Variants in METTL4 observed in about 807,000 individuals in gnomAD.
METTL4 encodes the protein methyltransferase 4, N6-adenosine.
Under a neutral mutation model 54.0 loss-of-function variants are expected in METTL4, and 40 were observed. That is an observed-to-expected ratio of 0.74 (90% CI 0.58 to 0.96). The LOEUF (loss-of-function observed/expected upper bound fraction) is 0.96, where lower values mean the gene tolerates loss of function less well. Among genes scored for constraint, METTL4 ranks in the 50% least tolerant of loss-of-function variants. The pLI, the probability that METTL4 is intolerant of heterozygous loss-of-function variation, is 0.00. For synonymous variants in METTL4, 169 were observed against 183.8 expected, an observed-to-expected ratio of 0.92 and a Z score of 0.65; for missense variants, 525 against 549.0, an observed-to-expected ratio of 0.96 and a Z score of 0.44.
At position 2,565,523 on chromosome 18, in the gene METTL4, A is replaced by G. The variant is rs2072394964; in HGVS notation, c.396+1298T>C. Among the ~76,000 whole-genome samples the G allele has an allele frequency of 3.3e-5, 5 of 152,346 alleles. No homozygotes were observed. The South Asian group carries it at 1.0e-3, about 32-fold the overall frequency. On this transcript the variant is annotated intron_variant, in intron 2 of 8. Transcript: ENST00000574538. ...TTAAAAATTAAAATTAAAATTAAAA[A>G]AAAGAAGAATATGCACAAGAAAAAA...
intron 1 of METTL4, among the ~76,000 whole-genome samples, chr18:2,568,166 G>C (rs2251971): frequency 1.3e-5 from 2 of 152,206 alleles, no homozygotes. Context: ...CCATGAGTGA[G>C]ATTATGATGT....
chr18:2,538,572 CT>C lies in METTL4; in HGVS notation c.*427del, dbSNP rs1214218786. 1 of 157,102 alleles carries C rather than the reference CT, an allele frequency of 6.4e-6. No homozygotes were observed. The highest frequency in any genetic ancestry group is 6.3e-5 in the Admixed American group (1 of 15,930). 9.7% of individuals were successfully genotyped at this position (157,102 alleles called of 1,614,324 possible). ...AAAGGCCTCTGTGTAGCCAGAGCCT[CT>C]GATGTTTAAAAAGAAGCAGAAATCT... is the stretch of plus-strand genomic sequence containing the variant. On this transcript the variant is annotated 3_prime_UTR_variant, in exon 9 of 9. Coordinates refer to ENST00000574538, the MANE Select transcript of METTL4 (RefSeq NM_022840.5).
At chr18:2,556,800 T>A (rs1430109887) in intron 3 of METTL4, among the ~76,000 whole-genome samples, 2 of 151,900 alleles carry the variant, frequency 1.3e-5, no homozygotes, top group African/African-American at 4.8e-5. Context: ...GGCTGAAAAT[T>A]TCCAAATTTG....
At chr18:2,560,814 G>A (rs1209866738) in intron 3 of METTL4, among the ~76,000 whole-genome samples, 1 of 152,192 alleles carries the variant, frequency 6.6e-6, no homozygotes, top group Non-Finnish European at 1.5e-5. Context: ...AGGAGGCAGA[G>A]TTTGCAGTGA....
chr18:2,552,732 G>C lies in METTL4; in HGVS notation c.862C>G (p.Pro288Ala), dbSNP rs2072181520. Residue 288 changes from proline to alanine, a missense_variant, in exon 5 of 9, where the codon CCA (proline) becomes GCA (alanine). By Grantham distance (27) the Pro-to-Ala change is conservative. Transcript: ENST00000574538. ...TTAACTGATTTGTTCTGCCATGGTG[G>C]ATCTATCACAATTACATCAAATGTT... is the stretch of plus-strand genomic sequence containing the variant. The part of the protein sequence containing the change: ...RKTFDVIVID[P>A]PWQNKSVKRS... 1.9e-6 allele frequency: 3 copies of C among 1,610,964 alleles called. No individual in the cohort carries two copies. Among genetic ancestry groups the C allele is most frequent in the Non-Finnish European group, 2.5e-6 (3 of 1,178,736 alleles).
chr18:2,569,678 A>T (rs1294940388), intron 1 of METTL4, among the ~76,000 whole-genome samples: 2 of 152,176 alleles, frequency 1.3e-5, no homozygotes, highest in Non-Finnish European at 2.9e-5. Context: ...AGCACAGATC[A>T]TAAGCCCTCT....
intron 2 of METTL4, among the ~76,000 whole-genome samples, chr18:2,564,237 A>G: frequency 7.6e-6 from 1 of 132,014 alleles, no homozygotes; most frequent in South Asian, 2.5e-4. Context: ...CCCCATCTCT[A>G]CTAAAAATAC....
At chr18:2,542,355 C>A (rs145328635) in intron 8 of METTL4, among the ~76,000 whole-genome samples, 3 of 123,604 alleles carry the variant, frequency 2.4e-5, no homozygotes, top group South Asian at 3.3e-4. Flanking sequence ...ATCCCTCCCC[C>A]CTCCCCCCAC....
intron 1 of METTL4, among the ~76,000 whole-genome samples, chr18:2,569,531 G>A (rs1417197822): frequency 1.3e-5 from 2 of 151,224 alleles, no homozygotes; most frequent in East Asian, 1.9e-4. Flanking sequence ...TAGCCTGGGA[G>A]GCTTGTTAGA....
In METTL4 at chr18:2,546,943, C is replaced by T. The variant is rs148726949; in HGVS notation, c.1074+412G>A. Among the ~76,000 whole-genome samples, 411 of 152,150 alleles carry T rather than the reference C, an allele frequency of 2.7e-3. 4 individuals carry two copies. In the East Asian group the frequency reaches 0.03, roughly 11 times the overall value. On this transcript the variant is annotated intron_variant, in intron 6 of 8. Transcript: ENST00000574538. ...ACTTTGCTATTCCTTGCCCTCATCC[C>T]CCACAAAATAAGAAAAAGAAATCAC...
At chr18:2,566,717 A>T in intron 2 of METTL4, 104 bp downstream of exon 2, 1 of 949,048 alleles carries the variant, frequency 1.1e-6, no homozygotes, top group Non-Finnish European at 1.5e-6. Context: ...GGTTTTACTG[A>T]TTCTTCTTTA....
intron 4 of METTL4, chr18:2,554,136 A>G (rs2072201594): frequency 6.6e-6 from 1 of 152,344 alleles, no homozygotes; most frequent in African/African-American, 2.4e-5. Context: ...GTTTTGTGAA[A>G]TGAATACCCC....
intron 4 of METTL4, chr18:2,554,291 G>C (rs762585123): frequency 1.5e-4 from 24 of 165,508 alleles, no homozygotes; most frequent in Non-Finnish European, 2.4e-4. Flanking sequence ...AGCCTAAATG[G>C]TATCCTTTAT....
intron 5 of METTL4, among the ~76,000 whole-genome samples, chr18:2,550,684 CAT>C (rs1308528653): frequency 1.3e-5 from 2 of 152,170 alleles, no homozygotes; most frequent in African/African-American, 4.8e-5. Context: ...CTTTTATATT[CAT>C]AGTTACAATT....
chr18:2,563,280 T>C (rs1331395704), intron 3 of METTL4, among the ~76,000 whole-genome samples: 2 of 152,110 alleles, frequency 1.3e-5, no homozygotes, highest in African/African-American at 4.8e-5. Flanking sequence ...CTAATAGAAG[T>C]ACATGAAGTT....
At chr18:2,553,059 G>A (rs1026691588) in intron 4 of METTL4, 1 of 237,656 alleles carries the variant, frequency 4.2e-6, no homozygotes, top group Non-Finnish European at 8.0e-6. Flanking sequence ...TTCCCTATGC[G>A]TCTTGGCAGC....
chr18:2,547,505 T>C lies in METTL4; in HGVS notation c.924A>G (p.Gln308=), dbSNP rs770159584. The C allele has an allele frequency of 3.1e-6, 5 of 1,589,242 alleles. No homozygotes were observed. The highest frequency in any genetic ancestry group is 4.3e-6 in the Non-Finnish European group (5 of 1,170,420). ...SNRYSYLSPL[Q]IQQIPIPKLA... ...ATTTAGGGATAGGTATTTGCTGTAT[T>C]TGCAGGGGTGACAAATAACTGTACC... The change falls in exon 6 of 9, where the codon CAA becomes CAG. Residue 308 remains glutamine, a synonymous_variant. Coordinates refer to ENST00000574538, the MANE Select transcript of METTL4 (RefSeq NM_022840.5).
intron 3 of METTL4, chr18:2,555,591 C>T (rs999071794): frequency 6.6e-6 from 1 of 152,000 alleles, no homozygotes; most frequent in African/African-American, 2.4e-5. Context: ...ATAAACATAC[C>T]TTTTCTTTCA....
At chr18:2,569,829 G>A (rs371926433) in intron 1 of METTL4, among the ~76,000 whole-genome samples, 3 of 152,238 alleles carry the variant, frequency 2.0e-5, no homozygotes, top group African/African-American at 7.2e-5. Context: ...CACTTTCCAC[G>A]ACACTTCTTT....
Sources: allele counts gnomAD v4.1 joint callset (sites outside exome capture counted in the v4.1 genomes callset), GRCh38; gene constraint gnomAD v4.1.1; transcripts MANE v1.5; gene names NCBI Gene and HGNC (gene_info 2026-07-23, HGNC 2026-07-21).